Variants in CLSTN2 observed in about 807,000 individuals in gnomAD.
CLSTN2 encodes calsyntenin-2.
CLSTN2 carries 48 observed loss-of-function variants against 101.2 expected under a neutral mutation model. The ratio of observed to expected loss-of-function variants is 0.47; its 90% CI spans 0.38 to 0.60. The LOEUF is 0.60. Among genes scored for constraint, CLSTN2 ranks in the 20% least tolerant of loss-of-function variants. CLSTN2 has a pLI of 0.00. For missense variants in CLSTN2, 1,160 were observed against 1,238.2 expected (o/e 0.94, Z 0.95); for synonymous variants, 481 against 463.6 (o/e 1.04, Z -0.48).
intron 8 of CLSTN2, among the ~76,000 whole-genome samples, chr3:140,498,168 T>C (rs562717455): frequency 6.6e-6 from 1 of 152,316 alleles, no homozygotes; most frequent in South Asian, 2.1e-4. Flanking sequence ...CTAAAGCAAT[T>C]ACTAACTAAA....
intron 2 of CLSTN2, among the ~76,000 whole-genome samples, chr3:140,367,416 G>T (rs1321355928): frequency 6.6e-6 from 1 of 151,252 alleles, no homozygotes; most frequent in East Asian, 2.0e-4. Context: ...GGGAGGCTGA[G>T]GCAGGAGAAT....
At chr3:140,257,204 G>A (rs1378469297) in intron 2 of CLSTN2, among the ~76,000 whole-genome samples, 1 of 152,170 alleles carries the variant, frequency 6.6e-6, no homozygotes. Context: ...TTAAATGTAT[G>A]CTCCATAAAT....
intron 2 of CLSTN2, among the ~76,000 whole-genome samples, chr3:140,355,104 G>A (rs1180734228): frequency 2.0e-5 from 3 of 152,216 alleles, no homozygotes; most frequent in African/African-American, 7.2e-5. Context: ...AAGACCAGAT[G>A]AGCAGTTGTA....
At chr3:140,149,143 G>A (rs541257853) in intron 1 of CLSTN2, among the ~76,000 whole-genome samples, 1 of 152,152 alleles carries the variant, frequency 6.6e-6, no homozygotes, top group South Asian at 2.1e-4. Context: ...ATTCCTGGCT[G>A]TCCCTTCTCC....
At chr3:140,208,469 A>G (rs2010812190) in intron 2 of CLSTN2, among the ~76,000 whole-genome samples, 1 of 152,158 alleles carries the variant, frequency 6.6e-6, no homozygotes, top group Non-Finnish European at 1.5e-5. Flanking sequence ...GGCAAGGGGA[A>G]TTTACTGTAT....
chr3:140,454,243 A>G (rs777881358), intron 6 of CLSTN2: 5 of 152,284 alleles, frequency 3.3e-5, no homozygotes, highest in Non-Finnish European at 5.9e-5. Flanking sequence ...TATGTTGGGG[A>G]GGAGGTTTTT....
chr3:140,209,699 C>T (rs569076930), intron 2 of CLSTN2, among the ~76,000 whole-genome samples: 28 of 152,070 alleles, frequency 1.8e-4, no homozygotes, highest in African/African-American at 6.0e-4. Context: ...TACTCAGTGT[C>T]GAAAAGTTAC....
At chr3:140,245,493 C>A (rs147771634) in intron 2 of CLSTN2, among the ~76,000 whole-genome samples, 1 of 152,048 alleles carries the variant, frequency 6.6e-6, no homozygotes, top group Admixed American at 6.5e-5. Context: ...TTGGAAGGTG[C>A]AAAGAAAAAG....
At chr3:140,456,541 C>G (rs1398371906) in intron 6 of CLSTN2, among the ~76,000 whole-genome samples, 1 of 152,198 alleles carries the variant, frequency 6.6e-6, no homozygotes, top group Non-Finnish European at 1.5e-5. Context: ...AATCCCAGCA[C>G]TTTGGGAGGC....
At chr3:140,117,859 T>C (rs2009272405) in intron 1 of CLSTN2, among the ~76,000 whole-genome samples, 1 of 152,204 alleles carries the variant, frequency 6.6e-6, no homozygotes. Flanking sequence ...GGACTTCATA[T>C]TCTTTCTATT....
chr3:140,352,186 G>C (rs945420657), intron 2 of CLSTN2, among the ~76,000 whole-genome samples: 4 of 152,198 alleles, frequency 2.6e-5, no homozygotes, highest in African/African-American at 9.7e-5. Context: ...CCAATACTCA[G>C]TAAGTGATAT....
At chr3:139,984,661 T>A (rs1935992787) in intron 1 of CLSTN2, among the ~76,000 whole-genome samples, 1 of 152,162 alleles carries the variant, frequency 6.6e-6, no homozygotes, top group African/African-American at 2.4e-5. Context: ...ATTGGCCTTT[T>A]CTTGGGCTAT....
intron 1 of CLSTN2, among the ~76,000 whole-genome samples, chr3:140,157,221 G>C (rs2009969759): frequency 6.6e-6 from 1 of 151,374 alleles, no homozygotes; most frequent in South Asian, 2.1e-4. Flanking sequence ...TCCCCATTGT[G>C]TCTCTTCCAG....
intron 2 of CLSTN2, among the ~76,000 whole-genome samples, chr3:140,216,761 T>G (rs2010925996): frequency 6.6e-6 from 1 of 152,176 alleles, no homozygotes; most frequent in Non-Finnish European, 1.5e-5. Context: ...TTCCAAGTTT[T>G]GTACAGATAT....
At chr3:139,984,808 C>G (rs1935994770) in intron 1 of CLSTN2, among the ~76,000 whole-genome samples, 1 of 152,214 alleles carries the variant, frequency 6.6e-6, no homozygotes, top group Admixed American at 6.5e-5. Flanking sequence ...CCTTGTATCT[C>G]AGATTCCTTG....
At chr3:140,491,771 G>A (rs960775523) in intron 8 of CLSTN2, among the ~76,000 whole-genome samples, 5 of 152,152 alleles carry the variant, frequency 3.3e-5, no homozygotes, top group East Asian at 1.9e-4. Context: ...GCAGTGAGCC[G>A]AAATTGCACC....
At chr3:140,023,306 C>A (rs114014173) in intron 1 of CLSTN2, among the ~76,000 whole-genome samples, 1 of 152,094 alleles carries the variant, frequency 6.6e-6, no homozygotes, top group Non-Finnish European at 1.5e-5. Context: ...ATAAGGAGCG[C>A]GCAAACCTCA....
At chr3:140,352,961 T>A (rs1386882389) in intron 2 of CLSTN2, among the ~76,000 whole-genome samples, 2 of 152,158 alleles carry the variant, frequency 1.3e-5, no homozygotes, top group Non-Finnish European at 2.9e-5. Context: ...GGAAAAAAAT[T>A]ATATCTGTAC....
chr3:140,049,732 G>A (rs967029624), intron 1 of CLSTN2, among the ~76,000 whole-genome samples: 16 of 152,206 alleles, frequency 1.1e-4, no homozygotes, highest in Non-Finnish European at 1.6e-4. Context: ...AAGGAGAGGC[G>A]AGCTCTGCCC....
Sources: allele counts gnomAD v4.1 joint callset (sites outside exome capture counted in the v4.1 genomes callset), GRCh38; gene constraint gnomAD v4.1.1; transcripts MANE v1.5; gene names NCBI Gene and HGNC (gene_info 2026-07-23, HGNC 2026-07-21).